The following CDH2 variants were observed in gnomAD, a reference collection of about 807,000 sequenced individuals.
CDH2 encodes the protein cadherin-2.
A neutral mutation model predicts 92.0 loss-of-function variants in CDH2; 17 were observed. The ratio of observed to expected loss-of-function variants is 0.18; its 90% CI spans 0.13 to 0.28. CDH2 has a LOEUF of 0.28. Ranked by LOEUF, CDH2 falls within the 10% of genes least tolerant of loss-of-function variation. The probability of loss-of-function intolerance (pLI) is 1.00; values close to 1 mark genes in which losing one functional copy is unlikely to be tolerated. For synonymous variants in CDH2, 419 were observed against 415.9 expected (o/e 1.01, Z -0.09); for missense variants, 862 against 1,133.1 (o/e 0.76, Z 3.44).
chr18:28,063,169 G>T lies in CDH2; in HGVS notation c.173-49260C>A, dbSNP rs532037643. Among the ~76,000 whole-genome samples, 3 of 152,170 alleles carry T rather than the reference G, an allele frequency of 2.0e-5. No individual in the cohort carries two copies. The East Asian group carries it at 5.8e-4, about 29-fold the overall frequency. On this transcript the variant is annotated intron_variant, in intron 2 of 15. Coordinates refer to ENST00000269141, the MANE Select transcript of CDH2 (RefSeq NM_001792.5). The stretch of plus-strand genomic sequence containing the variant: ...ATAGCTTTGTAAAATCCTATTTGTT[G>T]CATTAAAAACTATTTGGGAAAAAAA...
rs140298908 is a variant in CDH2 at position 28,119,378 on chromosome 18, A to T, written c.172+28295T>A. Among the ~76,000 whole-genome samples, 610 of 152,186 alleles carry T rather than the reference A, an allele frequency of 4.0e-3. 7 individuals carry two copies. Among genetic ancestry groups the T allele is most frequent in the African/African-American group, 0.014 (591 of 41,540 alleles). The stretch of plus-strand genomic sequence containing the variant: ...ATGTGTGAATAGAATAATGTTCAAG[A>T]AGCAATCAGACACAGACCACCACAA... On this transcript the variant is annotated intron_variant, in intron 2 of 15. Transcript: ENST00000269141.
At chr18:28,104,347 A>G (rs1317031818) in intron 2 of CDH2, among the ~76,000 whole-genome samples, 8 of 152,178 alleles carry the variant, frequency 5.3e-5, no homozygotes, top group African/African-American at 1.7e-4. Flanking sequence ...ATAAAATTTG[A>G]TAACAGGAAA....
At chr18:28,061,869 T>C (rs941042008) in intron 2 of CDH2, among the ~76,000 whole-genome samples, 3 of 152,054 alleles carry the variant, frequency 2.0e-5, no homozygotes, top group African/African-American at 7.2e-5. Context: ...CATGAGAATA[T>C]CAAGGGAAAA....
Position 27,952,230 on chromosome 18 carries a change from G to T in CDH2, c.2644C>A (p.Gln882Lys). Residue 882 changes from glutamine to lysine, a missense_variant, in exon 16 of 16, where the codon CAG (glutamine) becomes AAG (lysine). This residue lies in a region of CDH2 where 114 missense variants were observed against 144.8 expected (regional missense o/e 0.79). Coordinates refer to ENST00000269141, the MANE Select transcript of CDH2 (RefSeq NM_001792.5). ...CAGTCGTTCAGGTAATCATAGTCCTGCTCACCACCACTACTTGAGGAATTA... is the reference window on the plus strand; with the variant it reads ...CAGTCGTTCAGGTAATCATAGTCCTTCTCACCACCACTACTTGAGGAATTA... ...SLNSSSSGGE[Q>K]DYDYLNDWGP... 6.2e-7 allele frequency: 1 copy of T among 1,613,574 alleles called. No individual in the cohort carries two copies. Among genetic ancestry groups the T allele is most frequent in the Non-Finnish European group, 8.5e-7 (1 of 1,179,666 alleles).
rs146791922 is a variant in CDH2, at chr18:28,129,309, A to T, written c.172+18364T>A. On this transcript the variant is annotated intron_variant, in intron 2 of 15. Transcript: ENST00000269141. ...CAGCTGTAAAATTTTAAACTCACAA[A>T]ACATAACCACCTGCATATAAAAACC... Among the ~76,000 whole-genome samples, 612 of 152,316 alleles carry T rather than the reference A, an allele frequency of 4.0e-3. 7 individuals are homozygous for T. Among genetic ancestry groups the T allele is most frequent in the African/African-American group, 0.014 (594 of 41,574 alleles).
At chr18:27,992,906 G>A in intron 8 of CDH2, 66 bp from the exon 9 acceptor site, 1 of 1,207,586 alleles carries the variant, frequency 8.3e-7, no homozygotes, top group Admixed American at 2.0e-5. Flanking sequence ...TTGTCTTGAT[G>A]ACCACACCGT....
intron 15 of CDH2, among the ~76,000 whole-genome samples, chr18:27,955,746 G>GTTT (rs2011228499): frequency 2.6e-5 from 2 of 76,746 alleles, no homozygotes; most frequent in African/African-American, 9.3e-5. Context: ...ACAAATCTCT[G>GTTT]TTTTCTTTAT....
At chr18:28,109,512 A>G (rs993358305) in intron 2 of CDH2, among the ~76,000 whole-genome samples, 14 of 152,182 alleles carry the variant, frequency 9.2e-5, no homozygotes, top group Non-Finnish European at 1.5e-4. Context: ...CCTCTGTTAC[A>G]TTATTATAGT....
At chr18:28,044,879 G>A (rs962902830) in intron 2 of CDH2, among the ~76,000 whole-genome samples, 11 of 149,692 alleles carry the variant, frequency 7.3e-5, no homozygotes, top group African/African-American at 2.3e-4. Flanking sequence ...GTGTGTGTGT[G>A]TAAACAGGTC....
At chr18:28,164,362 A>G (rs1018165490) in intron 1 of CDH2, among the ~76,000 whole-genome samples, 1 of 152,212 alleles carries the variant, frequency 6.6e-6, no homozygotes, top group Non-Finnish European at 1.5e-5. Context: ...GAGTTAATAC[A>G]TGTAAAGTGC....
At chr18:28,169,689 A>C (rs2144367666) in intron 1 of CDH2, among the ~76,000 whole-genome samples, 1 of 152,324 alleles carries the variant, frequency 6.6e-6, no homozygotes, top group Admixed American at 6.5e-5. Context: ...GGTATATTTT[A>C]TGAAAGAAAA....
At chr18:28,150,814 A>G (rs566270753) in intron 1 of CDH2, among the ~76,000 whole-genome samples, 2 of 152,334 alleles carry the variant, frequency 1.3e-5, no homozygotes, top group South Asian at 4.1e-4. Flanking sequence ...GATCCACAAA[A>G]TAATATAATC....
intron 2 of CDH2, among the ~76,000 whole-genome samples, chr18:28,081,499 CTT>C (rs918262769): frequency 3.2e-4 from 48 of 152,136 alleles, no homozygotes; most frequent in African/African-American, 1.1e-3. Flanking sequence ...ATTTAAAAGT[CTT>C]TTATAAACTA....
chr18:28,076,168 C>T (rs995763793), intron 2 of CDH2, among the ~76,000 whole-genome samples: 3 of 152,196 alleles, frequency 2.0e-5, no homozygotes, highest in African/African-American at 7.2e-5. Context: ...CAGATTCATA[C>T]AGCAGAACCA....
At chr18:28,004,878 G>A (rs1012877511) in intron 6 of CDH2, among the ~76,000 whole-genome samples, 4 of 152,056 alleles carry the variant, frequency 2.6e-5, no homozygotes, top group Non-Finnish European at 5.9e-5. Flanking sequence ...GCAGAGATAT[G>A]CACTTGGACC....
chr18:28,026,494 G>A (rs892092736), intron 2 of CDH2, among the ~76,000 whole-genome samples: 2 of 152,090 alleles, frequency 1.3e-5, no homozygotes, highest in African/African-American at 4.8e-5. Context: ...GAATGACAGA[G>A]GTATCAAGGG....
chr18:28,063,358 G>A (rs1373114229), intron 2 of CDH2, among the ~76,000 whole-genome samples: 2 of 152,182 alleles, frequency 1.3e-5, no homozygotes, highest in Non-Finnish European at 2.9e-5. Flanking sequence ...GCAGGAAGTA[G>A]ATTAACTAAA....
At position 28,147,632 on chromosome 18, in the gene CDH2, C is replaced by T. The variant is rs199643556; in HGVS notation, c.172+41G>A. 26 of 1,228,398 alleles carry T rather than the reference C, an allele frequency of 2.1e-5. No homozygotes were observed. In the African/African-American group the frequency reaches 3.2e-4, roughly 15 times the overall value. The allele number at this position is 1,228,398 out of a possible 1,614,324, so 76.1% of individuals were successfully genotyped here. On this transcript the variant is annotated intron_variant, in intron 2 of 15. Coordinates refer to ENST00000269141, the MANE Select transcript of CDH2 (RefSeq NM_001792.5). The stretch of plus-strand genomic sequence containing the variant: ...TTTAATGGCTAATTTGTTTCATGAG[C>T]ATGGACACTGCATGTACAAATATAT...
At chr18:28,164,372 C>G (rs2016348639) in intron 1 of CDH2, among the ~76,000 whole-genome samples, 1 of 152,092 alleles carries the variant, frequency 6.6e-6, no homozygotes, top group South Asian at 2.1e-4. Flanking sequence ...ATGTAAAGTG[C>G]TTTGAACCAC....
Sources: allele counts gnomAD v4.1 joint callset (sites outside exome capture counted in the v4.1 genomes callset), GRCh38; gene constraint gnomAD v4.1.1; regional missense constraint gnomAD v4.1.1; transcripts MANE v1.5; gene names NCBI Gene and HGNC (gene_info 2026-07-23, HGNC 2026-07-21).